The following SLC4A10 variants were observed in gnomAD, a reference collection of about 807,000 sequenced individuals.
SLC4A10 encodes solute carrier family 4 member 10.
In SLC4A10, 42 loss-of-function variants were observed where a neutral mutation model predicts 137.7. The ratio of observed to expected loss-of-function variants is 0.30; its 90% CI spans 0.24 to 0.39. The LOEUF (loss-of-function observed/expected upper bound fraction) is 0.39, where lower values mean the gene tolerates loss of function less well. Ranked by LOEUF, SLC4A10 falls within the 10% of genes least tolerant of loss-of-function variation. The pLI is 1.00. For missense variants in SLC4A10, 925 were observed against 1,355.0 expected (o/e 0.68, Z 4.98); for synonymous variants, 474 against 464.1 (o/e 1.02, Z -0.27).
intron 10 of SLC4A10, among the ~76,000 whole-genome samples, chr2:161,891,082 G>A (rs2062857623): frequency 6.6e-6 from 1 of 152,076 alleles, no homozygotes; most frequent in Non-Finnish European, 1.5e-5. Flanking sequence ...ATGAAATTCT[G>A]GGTTGAAATT....
chr2:161,776,544 C>T (rs1054562928), intron 2 of SLC4A10, among the ~76,000 whole-genome samples: 2 of 151,850 alleles, frequency 1.3e-5, no homozygotes, highest in Admixed American at 6.6e-5. Context: ...AGAATTTTCT[C>T]CTTTTTTAAA....
At chr2:161,874,154 C>T in intron 8 of SLC4A10, 149 bp downstream of exon 8, 1 of 797,670 alleles carries the variant, frequency 1.3e-6, no homozygotes, top group Non-Finnish European at 1.9e-6. Flanking sequence ...CTTCATTCAT[C>T]TGCAAGTTGG....
At chr2:161,825,491 C>T (rs1433269395) in intron 3 of SLC4A10, among the ~76,000 whole-genome samples, 1 of 152,134 alleles carries the variant, frequency 6.6e-6, no homozygotes, top group Non-Finnish European at 1.5e-5. Context: ...CTCTTCATCC[C>T]CTAGGCATTC....
At chr2:161,761,149 G>A (rs1282891007) in intron 1 of SLC4A10, among the ~76,000 whole-genome samples, 1 of 151,954 alleles carries the variant, frequency 6.6e-6, no homozygotes, top group Non-Finnish European at 1.5e-5. Context: ...ATTAAAACAA[G>A]ACTTGCATCT....
chr2:161,942,366 A>G (rs1465706821), intron 15 of SLC4A10, among the ~76,000 whole-genome samples: 1 of 152,158 alleles, frequency 6.6e-6, no homozygotes, highest in African/African-American at 2.4e-5. Flanking sequence ...ATATATCCTC[A>G]GGTAGCTAGA....
intron 15 of SLC4A10, 58 bp downstream of exon 15, chr2:161,905,945 G>A (rs1034413921): frequency 6.6e-7 from 1 of 1,518,432 alleles, no homozygotes; most frequent in Admixed American, 2.3e-5. Flanking sequence ...TATTGCTATT[G>A]TTACAAGAAA....
Position 161,885,261 on chromosome 2 carries a change from A to T in SLC4A10, c.1194+2817A>T, listed in dbSNP as rs547363735. ...GTACTCATTAAGAATAGAATTTAAT[A>T]TGTTGATTCATAGTTTACTTTGGTT... is the stretch of plus-strand genomic sequence containing the variant. On this transcript the variant is annotated intron_variant, in intron 10 of 26. Transcript: ENST00000446997. Among the ~76,000 whole-genome samples the T allele has an allele frequency of 2.7e-5, 4 of 147,876 alleles. No homozygotes were observed. In the South Asian group the frequency reaches 8.7e-4, roughly 32 times the overall value.
chr2:161,650,101 A>G (rs1327281329), intron 1 of SLC4A10, among the ~76,000 whole-genome samples: 3 of 152,226 alleles, frequency 2.0e-5, no homozygotes, highest in Non-Finnish European at 4.4e-5. Context: ...CATCAAGAAT[A>G]CAACATTGAA....
At chr2:161,732,400 G>A (rs1383717931) in intron 1 of SLC4A10, among the ~76,000 whole-genome samples, 1 of 152,206 alleles carries the variant, frequency 6.6e-6, no homozygotes, top group African/African-American at 2.4e-5. Flanking sequence ...GGAGTTGTAT[G>A]CAAGAGACAA....
chr2:161,660,490 A>G (rs2038140192), intron 1 of SLC4A10, among the ~76,000 whole-genome samples: 1 of 152,216 alleles, frequency 6.6e-6, no homozygotes, highest in Admixed American at 6.5e-5. Context: ...TGGCCAAAAA[A>G]TCATATATCC....
At chr2:161,941,075 G>A (rs1011329952) in intron 15 of SLC4A10, among the ~76,000 whole-genome samples, 4 of 152,212 alleles carry the variant, frequency 2.6e-5, no homozygotes, top group Non-Finnish European at 2.9e-5. Context: ...CTGGGTATAT[G>A]TGATAAGCCT....
At chr2:161,696,300 T>C (rs1458562084) in intron 1 of SLC4A10, among the ~76,000 whole-genome samples, 1 of 151,374 alleles carries the variant, frequency 6.6e-6, no homozygotes, top group Non-Finnish European at 1.5e-5. Flanking sequence ...ATTTTCTTTT[T>C]TTAAAAATTT....
intron 17 of SLC4A10, 32 bp from the exon 18 acceptor site, chr2:161,949,116 C>T (rs1269063341): frequency 7.0e-7 from 1 of 1,432,078 alleles, no homozygotes; most frequent in Non-Finnish European, 9.8e-7. Flanking sequence ...TTTATAGCTA[C>T]TTTAAGTGAC....
intron 1 of SLC4A10, among the ~76,000 whole-genome samples, chr2:161,757,846 A>G (rs531563392): frequency 6.6e-6 from 1 of 152,150 alleles, no homozygotes; most frequent in Admixed American, 6.6e-5. Context: ...CAATAAATGA[A>G]GTTCTTCTAA....
At chr2:161,718,297 A>T (rs141616168) in intron 1 of SLC4A10, among the ~76,000 whole-genome samples, 1 of 151,714 alleles carries the variant, frequency 6.6e-6, no homozygotes, top group African/African-American at 2.4e-5. Flanking sequence ...TCTCTCCTTC[A>T]GTTCTGCTCT....
intron 3 of SLC4A10, among the ~76,000 whole-genome samples, chr2:161,806,710 T>C (rs1291183867): frequency 6.6e-6 from 1 of 152,106 alleles, no homozygotes; most frequent in Non-Finnish European, 1.5e-5. Context: ...TTATTGTCCA[T>C]ATCATTATCA....
At chr2:161,869,510 G>C (rs2060975523) in intron 6 of SLC4A10, among the ~76,000 whole-genome samples, 1 of 151,328 alleles carries the variant, frequency 6.6e-6, no homozygotes, top group African/African-American at 2.4e-5. Context: ...TTGAATATTG[G>C]TTTTATATAT....
At chr2:161,893,115 A>C (rs2063087702) in intron 10 of SLC4A10, among the ~76,000 whole-genome samples, 6 of 152,108 alleles carry the variant, frequency 3.9e-5, no homozygotes, top group Admixed American at 1.3e-4. Context: ...ACTTCCATTC[A>C]AAACTGACAT....
chr2:161,867,816 C>G (rs1162862860), intron 6 of SLC4A10, among the ~76,000 whole-genome samples: 1 of 151,822 alleles, frequency 6.6e-6, no homozygotes, highest in Non-Finnish European at 1.5e-5. Flanking sequence ...ATGTATGTAA[C>G]TTTGTCATTC....
Sources: allele counts gnomAD v4.1 joint callset (sites outside exome capture counted in the v4.1 genomes callset), GRCh38; gene constraint gnomAD v4.1.1; transcripts MANE v1.5; gene names NCBI Gene and HGNC (gene_info 2026-07-23, HGNC 2026-07-21).